The following CSNK2A2IP variants were observed in gnomAD, a reference collection of about 807,000 sequenced individuals.
The protein encoded by CSNK2A2IP is casein kinase 2 subunit alpha' interacting protein, also known as casein kinase II subunit alpha'-interacting protein.
At chr3:88,461,425 C>CGCCT in the CSNK2A2IP span, among the ~76,000 whole-genome samples, 4 of 151,722 alleles carry the variant, frequency 2.6e-5, no homozygotes, top group African/African-American at 9.7e-5. Context: ...TGGTGGTGGG[C>CGCCT]GCCTGTAGTC....
the CSNK2A2IP span, among the ~76,000 whole-genome samples, chr3:88,369,459 T>C: frequency 6.6e-6 from 1 of 151,940 alleles, no homozygotes; most frequent in African/African-American, 2.4e-5. Flanking sequence ...GAAGAGTTTA[T>C]TACTGAAAGA....
At chr3:88,416,156 A>G in the CSNK2A2IP span, among the ~76,000 whole-genome samples, 1 of 151,550 alleles carries the variant, frequency 6.6e-6, no homozygotes, top group African/African-American at 2.4e-5. Flanking sequence ...CTGTAGTCCT[A>G]GCTACTCAGG....
chr3:88,444,903 G>C, the CSNK2A2IP span, among the ~76,000 whole-genome samples: 3 of 152,098 alleles, frequency 2.0e-5, no homozygotes, highest in African/African-American at 7.2e-5. Flanking sequence ...GCTTTCTAGA[G>C]ACCTGTGTAT....
chr3:88,426,003 C>T, the CSNK2A2IP span, among the ~76,000 whole-genome samples: 1 of 152,106 alleles, frequency 6.6e-6, no homozygotes. Flanking sequence ...TTGCTAGTTG[C>T]TGCAAAGGAA....
chr3:88,449,385 A>G, the CSNK2A2IP span, among the ~76,000 whole-genome samples: 1 of 152,142 alleles, frequency 6.6e-6, no homozygotes, highest in Non-Finnish European at 1.5e-5. Flanking sequence ...CTTCTCTCAG[A>G]AAATAACCTT....
chr3:88,446,848 A>G, the CSNK2A2IP span, among the ~76,000 whole-genome samples: 1 of 152,214 alleles, frequency 6.6e-6, no homozygotes, highest in African/African-American at 2.4e-5. Context: ...TGGAAAGTTG[A>G]TGGTCCTTAT....
the CSNK2A2IP span, among the ~76,000 whole-genome samples, chr3:88,406,363 T>C: frequency 1.3e-5 from 2 of 152,234 alleles, no homozygotes; most frequent in Non-Finnish European, 2.9e-5. Context: ...AATTCAGTTA[T>C]ATTTTTAGGC....
chr3:88,409,462 T>A, the CSNK2A2IP span, among the ~76,000 whole-genome samples: 1 of 152,008 alleles, frequency 6.6e-6, no homozygotes, highest in African/African-American at 2.4e-5. Context: ...CATGCGAAAA[T>A]GATTTCTTTC....
the CSNK2A2IP span, chr3:88,465,839 C>T: frequency 1.6e-6 from 2 of 1,231,704 alleles, no homozygotes; most frequent in African/African-American, 3.1e-5. Context: ...CAAACAACAT[C>T]TTCAAGCCTA....
At chr3:88,376,579 TTCTA>T in the CSNK2A2IP span, among the ~76,000 whole-genome samples, 1 of 151,982 alleles carries the variant, frequency 6.6e-6, no homozygotes, top group African/African-American at 2.4e-5. Flanking sequence ...TTGAATTATA[TTCTA>T]TCTTAGTTTC....
At chr3:88,372,048 G>A in the CSNK2A2IP span, among the ~76,000 whole-genome samples, 1 of 151,536 alleles carries the variant, frequency 6.6e-6, no homozygotes, top group African/African-American at 2.4e-5. Flanking sequence ...AGGCTGAAAA[G>A]TAATCAGTCA....
the CSNK2A2IP span, among the ~76,000 whole-genome samples, chr3:88,443,722 T>C: frequency 8.5e-5 from 13 of 152,276 alleles, no homozygotes; most frequent in East Asian, 2.5e-3. Context: ...TTCACAAAGA[T>C]GTCATTAATG....
chr3:88,356,750 C>T, the CSNK2A2IP span, among the ~76,000 whole-genome samples: 144 of 152,178 alleles, frequency 9.5e-4, no homozygotes, highest in African/African-American at 3.4e-3. Context: ...TCCACATCCT[C>T]GCCAACATTC....
chr3:88,346,010 G>C, the CSNK2A2IP span, among the ~76,000 whole-genome samples: 1 of 50,730 alleles, frequency 2.0e-5, no homozygotes, highest in African/African-American at 4.5e-5. Context: ...AAATAATAAA[G>C]ATAATAAAGT....
At chr3:88,398,621 AG>A in the CSNK2A2IP span, among the ~76,000 whole-genome samples, 3 of 152,190 alleles carry the variant, frequency 2.0e-5, no homozygotes, top group Admixed American at 6.5e-5. Flanking sequence ...AAATAGAGAA[AG>A]GTCCCATCTT....
chr3:88,454,668 A>G, the CSNK2A2IP span, among the ~76,000 whole-genome samples: 1 of 152,028 alleles, frequency 6.6e-6, no homozygotes, highest in South Asian at 2.1e-4. Context: ...TATAATTGAT[A>G]AAGTTATATG....
At chr3:88,373,912 A>C in the CSNK2A2IP span, among the ~76,000 whole-genome samples, 4 of 151,628 alleles carry the variant, frequency 2.6e-5, no homozygotes, top group Admixed American at 2.6e-4. Flanking sequence ...AAATGATTTG[A>C]GATAAAAGAG....
At chr3:88,444,057 T>C in the CSNK2A2IP span, among the ~76,000 whole-genome samples, 1 of 152,192 alleles carries the variant, frequency 6.6e-6, no homozygotes, top group East Asian at 1.9e-4. Flanking sequence ...AAAGAAAATA[T>C]TGCATGGCTG....
chr3:88,392,767 G>A, the CSNK2A2IP span, among the ~76,000 whole-genome samples: 5,727 of 152,226 alleles, frequency 0.038, 273 homozygotes, highest in African/African-American at 0.11. Flanking sequence ...AACACATTAC[G>A]TAAGTTTGGG....
Sources: allele counts gnomAD v4.1 joint callset (sites outside exome capture counted in the v4.1 genomes callset), GRCh38; gene constraint gnomAD v4.1.1; transcripts MANE v1.5; gene names NCBI Gene and HGNC (gene_info 2026-07-23, HGNC 2026-07-21).